DRAXIN: variants seen among roughly 807,000 people sequenced by gnomAD.
DRAXIN encodes the protein dorsal inhibitory axon guidance protein, also known as dorsal repulsive axon guidance protein.
DRAXIN carries 27 observed loss-of-function variants against 33.9 expected under a neutral mutation model. The observed-to-expected ratio is 0.80, with a 90% CI of 0.59 to 1.10. The LOEUF (loss-of-function observed/expected upper bound fraction) is 1.10, where lower values mean the gene tolerates loss of function less well. DRAXIN is among the 50% of genes least tolerant of loss of function. DRAXIN has a pLI of 0.00. For synonymous variants in DRAXIN, 178 were observed against 194.0 expected (o/e 0.92, Z 0.69); for missense variants, 371 against 460.8 (o/e 0.81, Z 1.78).
intron 6 of DRAXIN, among the ~76,000 whole-genome samples, chr1:11,717,434 C>G (rs1570321145): frequency 6.7e-6 from 1 of 149,656 alleles, no homozygotes; most frequent in African/African-American, 2.5e-5. Flanking sequence ...GAGGCCAAGG[C>G]GGGCAGATCA....
At chr1:11,695,296 A>G (rs1313402011) in intron 1 of DRAXIN, among the ~76,000 whole-genome samples, 1 of 152,146 alleles carries the variant, frequency 6.6e-6, no homozygotes, top group African/African-American at 2.4e-5. Flanking sequence ...TATCCACTTC[A>G]GGCCAGGTGC....
rs1270624617 is a variant in DRAXIN, at chr1:11,706,074, C to T, written c.-10-175C>T. On this transcript the variant is annotated intron_variant, in intron 1 of 6. Coordinates refer to ENST00000294485, the MANE Select transcript of DRAXIN (RefSeq NM_198545.4). The surrounding 1 kb of genome is among the most constrained non-coding windows in gnomAD (Gnocchi z 5.5). ...ATCCACGGGCTCCAACCTCTACCTG[C>T]CAGTAGCACTCCCCAGTTTTGACAA... 1.3e-5 allele frequency among the ~76,000 whole-genome samples: 2 copies of T among 152,174 alleles called. No homozygotes were observed. Among genetic ancestry groups the T allele is most frequent in the Non-Finnish European group, 2.9e-5 (2 of 68,028 alleles).
Position 11,692,786 on chromosome 1 carries a change from G to A in DRAXIN, c.-11+933G>A, listed in dbSNP as rs1255317513. ...TTCAGTACTATGCATCTGGAGTCGG[G>A]TACACTGGGGCTCTGGGAGTGATCT... is the stretch of plus-strand genomic sequence containing the variant. On this transcript the variant is annotated intron_variant, in intron 1 of 6. Coordinates refer to ENST00000294485, the MANE Select transcript of DRAXIN (RefSeq NM_198545.4). This position sits in a 1 kb window ranked among gnomAD's most constrained non-coding sequence, Gnocchi z 5.8. 6.6e-6 allele frequency among the ~76,000 whole-genome samples: 1 copy of A among 152,124 alleles called. No homozygotes were observed. The highest frequency in any genetic ancestry group is 1.9e-4 in the East Asian group (1 of 5,188).
chr1:11,721,165 C>T lies in DRAXIN; in HGVS notation c.*1469C>T, dbSNP rs1557695314. 6.6e-6 allele frequency: 1 copy of T among 152,226 alleles called. No homozygotes were observed. The highest frequency in any genetic ancestry group is 6.5e-5 in the Admixed American group (1 of 15,284). 9.4% of individuals were successfully genotyped at this position (152,226 alleles called of 1,614,324 possible). On this transcript the variant is annotated 3_prime_UTR_variant, in exon 7 of 7. Coordinates refer to ENST00000294485, the MANE Select transcript of DRAXIN (RefSeq NM_198545.4). ...ACCCCACACATATTGCCCATGTTTA[C>T]CCACTTTGCATACTGTTTAGTGATT...
chr1:11,708,902 T>C (rs376032897), intron 2 of DRAXIN, among the ~76,000 whole-genome samples: 1 of 152,186 alleles, frequency 6.6e-6, no homozygotes, highest in Admixed American at 6.6e-5. Flanking sequence ...CCTCATGACA[T>C]TTCTCCCTAC....
chr1:11,713,130 G>A (rs1050176163), intron 5 of DRAXIN, among the ~76,000 whole-genome samples: 1 of 151,018 alleles, frequency 6.6e-6, no homozygotes, highest in Non-Finnish European at 1.5e-5. Context: ...CCCGGGAGGC[G>A]GAGGTTGTGG....
chr1:11,704,336 G>A lies in DRAXIN; in HGVS notation c.-10-1913G>A, dbSNP rs1407739688. ...CTTTCCAGTCACAAGGAGAGCAGGG[G>A]GTGAAGTCTGGCAGTGGTCAGGCTA... On this transcript the variant is annotated intron_variant, in intron 1 of 6. Transcript: ENST00000294485. The surrounding 1 kb of genome is among the most constrained non-coding windows in gnomAD (Gnocchi z 4.6). Among the ~76,000 whole-genome samples, 1 of 152,166 alleles carries A rather than the reference G, an allele frequency of 6.6e-6. No homozygotes were observed.
intron 3 of DRAXIN, among the ~76,000 whole-genome samples, chr1:11,709,670 C>T (rs966309090): frequency 2.5e-4 from 38 of 152,262 alleles, no homozygotes; most frequent in Middle Eastern, 3.4e-3. Context: ...TGCCACTGTC[C>T]AGGGCAAAGT....
chr1:11,709,064 G>A (rs1050676021), intron 2 of DRAXIN, among the ~76,000 whole-genome samples: 1 of 152,174 alleles, frequency 6.6e-6, no homozygotes, highest in Non-Finnish European at 1.5e-5. Context: ...TCTCCCCAGC[G>A]ACACTGCAAG....
At chr1:11,715,306 T>C in intron 6 of DRAXIN, 98 bp downstream of exon 6, 1 of 1,465,508 alleles carries the variant, frequency 6.8e-7, no homozygotes. Flanking sequence ...GGAACAAGCT[T>C]TCCTGGCAGA....
At chr1:11,712,243 T>A (rs1438439897) in intron 4 of DRAXIN, 97 bp from the exon 5 acceptor site, 19 of 1,377,592 alleles carry the variant, frequency 1.4e-5, no homozygotes, top group Non-Finnish European at 1.8e-5. Context: ...AGCCATGCTG[T>A]AGAGTGGTGG....
intron 6 of DRAXIN, among the ~76,000 whole-genome samples, chr1:11,718,000 CAAA>C (rs57704802): frequency 3.0e-4 from 24 of 80,868 alleles, no homozygotes; most frequent in Non-Finnish European, 2.2e-4. Context: ...GACCCTGTCT[CAAA>C]AAAAAAAAAA....
chr1:11,719,619 A>C lies in DRAXIN; in HGVS notation c.973A>C (p.Arg325=). 1 of 1,613,906 alleles carries C rather than the reference A, an allele frequency of 6.2e-7. No individual in the cohort carries two copies. The highest frequency in any genetic ancestry group is 8.5e-7 in the Non-Finnish European group (1 of 1,179,898). ...CTATGCCAAATTCCACCGGAACCGC[A>C]GGGTTACACGGAGGAAAGGGCGCTG... The part of the protein sequence containing the change: ...RCYAKFHRNR[R]VTRRKGRCVE... Residue 325 remains arginine, a synonymous_variant, in exon 7 of 7, where the codon AGG becomes CGG. Transcript: ENST00000294485.
chr1:11,715,775 G>A (rs1641568251), intron 6 of DRAXIN, among the ~76,000 whole-genome samples: 1 of 151,858 alleles, frequency 6.6e-6, no homozygotes, highest in Non-Finnish European at 1.5e-5. Context: ...CTAGAAAGGA[G>A]CTATGATGAT....
chr1:11,695,805 GA>G (rs1232746754), intron 1 of DRAXIN, among the ~76,000 whole-genome samples: 1 of 152,010 alleles, frequency 6.6e-6, no homozygotes, highest in East Asian at 1.9e-4. Context: ...AGGAGAGGAG[GA>G]AGAGGGGCCA....
At position 11,711,946 on chromosome 1, in the gene DRAXIN, G is replaced by A; in HGVS notation, c.738G>A (p.Trp246Ter). Residue 246 changes from tryptophan to a stop codon, truncating the protein, a stop_gained, in exon 4 of 7, where the codon TGG becomes TGA. Transcript: ENST00000294485. LOFTEE classifies it high-confidence loss of function. The stretch of plus-strand genomic sequence containing the variant: ...ATGAAGACTTAAAACCTGATGGTTG[G>A]CCCTCTGCAAAGAAGAAAGGTATGC... ...TDYEDLKPDGWPSAKKKEKHR... is the reference protein window; with the variant it reads ...TDYEDLKPDG 1 of 1,613,216 alleles carries A rather than the reference G, an allele frequency of 6.2e-7. No homozygotes were observed. Among genetic ancestry groups the A allele is most frequent in the South Asian group, 1.1e-5 (1 of 90,836 alleles).
At position 11,706,161 on chromosome 1, in the gene DRAXIN, T is replaced by C; in HGVS notation, c.-10-88T>C. The C allele has an allele frequency of 7.8e-7, 1 of 1,274,694 alleles. No homozygotes were observed. The highest frequency in any genetic ancestry group is 1.6e-5 in the South Asian group (1 of 63,368). The allele number at this position is 1,274,694 out of a possible 1,614,324, so 79.0% of individuals were successfully genotyped here. A position where few individuals can be genotyped will look rare whatever the true frequency, so the allele number is the denominator to read the frequency against. Reference sequence around the variant, plus strand: ...GGAGCAAAATGTCCCTCTATGGCTGTTGAGAAAAACTGGGCTTTAATCATT... The same window carrying C: ...GGAGCAAAATGTCCCTCTATGGCTGCTGAGAAAAACTGGGCTTTAATCATT... On this transcript the variant is annotated intron_variant, in intron 1 of 6. Coordinates refer to ENST00000294485, the MANE Select transcript of DRAXIN (RefSeq NM_198545.4). The surrounding 1 kb of genome is among the most constrained non-coding windows in gnomAD (Gnocchi z 5.5).
Position 11,715,376 on chromosome 1 carries a change from C to T in DRAXIN, c.937+168C>T, listed in dbSNP as rs903890617. Among the ~76,000 whole-genome samples the T allele has an allele frequency of 2.0e-5, 3 of 152,212 alleles. No individual in the cohort carries two copies. In the East Asian group the frequency reaches 5.8e-4, roughly 29 times the overall value. ...GGGAGAATCCCTCGGGAGCCGAAGA[C>T]GTGAGCAAGAACAGCTTTATCAGTG... On this transcript the variant is annotated intron_variant, in intron 6 of 6. Transcript: ENST00000294485.
chr1:11,691,482 C>T (rs1641064623), upstream of DRAXIN: 1 of 152,536 alleles, frequency 6.6e-6, no homozygotes, highest in African/African-American at 2.4e-5. Context: ...TGTCTGCCTC[C>T]TTTGTCTGCC....
Sources: allele counts gnomAD v4.1 joint callset (sites outside exome capture counted in the v4.1 genomes callset), GRCh38; gene constraint gnomAD v4.1.1; non-coding constraint Gnocchi (gnomAD v3.1); transcripts MANE v1.5; gene names NCBI Gene and HGNC (gene_info 2026-07-23, HGNC 2026-07-21).